Variants in ASPRV1 observed in about 807,000 individuals in gnomAD.
ASPRV1 encodes retroviral-like aspartic protease 1.
A neutral mutation model predicts 11.0 loss-of-function variants in ASPRV1; 7 were observed. The ratio of observed to expected loss-of-function variants is 0.64; its 90% CI spans 0.36 to 1.20. ASPRV1 has a LOEUF of 1.20. Among genes scored for constraint, ASPRV1 ranks in the 50% most tolerant of loss-of-function variants. The pLI is 0.02. For synonymous variants in ASPRV1, 136 were observed against 138.4 expected, an observed-to-expected ratio of 0.98 and a Z score of 0.12; for missense variants, 299 against 320.0, an observed-to-expected ratio of 0.93 and a Z score of 0.50.
chr2:70,048,364 G>T, the ASPRV1 span, among the ~76,000 whole-genome samples: 1 of 151,520 alleles, frequency 6.6e-6, no homozygotes, highest in African/African-American at 2.4e-5. Context: ...GCAGTGAGCC[G>T]AGATCGCACC....
the ASPRV1 span, among the ~76,000 whole-genome samples, chr2:70,011,322 C>T: frequency 2.0e-5 from 3 of 151,988 alleles, no homozygotes; most frequent in African/African-American, 4.8e-5. Flanking sequence ...CCAACCAGAA[C>T]TGTAGAGTAC....
At chr2:69,971,253 T>C in the ASPRV1 span, 2 of 152,176 alleles carry the variant, frequency 1.3e-5, no homozygotes, top group Non-Finnish European at 2.9e-5. Flanking sequence ...CATGAAGATA[T>C]ATGTAGCTAA....
chr2:69,986,474 T>C, the ASPRV1 span, among the ~76,000 whole-genome samples: 1 of 152,198 alleles, frequency 6.6e-6, no homozygotes, highest in African/African-American at 2.4e-5. Context: ...AGCACATCCA[T>C]GTGGGAACAC....
chr2:70,036,742 A>G, the ASPRV1 span, among the ~76,000 whole-genome samples: 1 of 152,304 alleles, frequency 6.6e-6, no homozygotes, highest in African/African-American at 2.4e-5. Context: ...ATCATGGCTC[A>G]CTGCAGCCTC....
chr2:70,038,276 G>A, the ASPRV1 span, among the ~76,000 whole-genome samples: 17 of 152,306 alleles, frequency 1.1e-4, no homozygotes, highest in Admixed American at 2.6e-4. Context: ...GCTGGGCAGA[G>A]TGGCTCATGC....
chr2:70,009,306 A>G, the ASPRV1 span, among the ~76,000 whole-genome samples: 1 of 143,074 alleles, frequency 7.0e-6, no homozygotes. Flanking sequence ...TATATAATTT[A>G]TTGTCTTATT....
At chr2:69,959,140 C>G (rs1167136939), downstream of ASPRV1, among the ~76,000 whole-genome samples, 2 of 152,196 alleles carry the variant, frequency 1.3e-5, no homozygotes, top group Non-Finnish European at 2.9e-5. Context: ...TTCTGTCTCT[C>G]CCTCAGGAGC....
the ASPRV1 span, among the ~76,000 whole-genome samples, chr2:69,995,033 T>A: frequency 6.0e-5 from 9 of 149,554 alleles, no homozygotes; most frequent in African/African-American, 2.2e-4. Flanking sequence ...ATTAATTAAT[T>A]AATTAAACAG....
At chr2:69,935,102 C>T in the ASPRV1 span, among the ~76,000 whole-genome samples, 1 of 152,158 alleles carries the variant, frequency 6.6e-6, no homozygotes, top group Non-Finnish European at 1.5e-5. Context: ...TATATAATAG[C>T]AGATATTATT....
the ASPRV1 span, among the ~76,000 whole-genome samples, chr2:69,952,460 G>A: frequency 3.3e-5 from 5 of 151,560 alleles, no homozygotes; most frequent in African/African-American, 4.9e-5. Context: ...AGCTGTGATC[G>A]TGACACTGCA....
the ASPRV1 span, chr2:70,087,082 A>G: frequency 1.5e-5 from 2 of 134,404 alleles, no homozygotes; most frequent in Non-Finnish European, 3.1e-5. Context: ...CCTCACGCGC[A>G]TGTTTTAAAC....
In ASPRV1 at chr2:69,961,178, C is replaced by A; in HGVS notation, c.259G>T (p.Ala87Ser). ...GGGGCAGCCCCAGGGACCCCAAAGGCCTTCAGGAGGGCCTCTTTCACAGTC... is the reference window on the plus strand; with the variant it reads ...GGGGCAGCCCCAGGGACCCCAAAGGACTTCAGGAGGGCCTCTTTCACAGTC... ...YGTVKEALLK[A>S]FGVPGAAPSH... Residue 87 changes from alanine (A) to serine (S), a missense_variant, in exon 1 of 1, where the codon GCC becomes TCC. Coordinates refer to ENST00000320256, the MANE Select transcript of ASPRV1 (RefSeq NM_152792.4). 5 of 1,613,726 alleles carry A rather than the reference C, an allele frequency of 3.1e-6. No individual in the cohort carries two copies. The highest frequency in any genetic ancestry group is 4.2e-6 in the Non-Finnish European group (5 of 1,179,734).
chr2:70,048,772 C>G, the ASPRV1 span: 1 of 152,362 alleles, frequency 6.6e-6, no homozygotes, highest in Non-Finnish European at 1.5e-5. Flanking sequence ...CATGCTCCCT[C>G]TGAAGGCTCT....
chr2:70,083,890 C>A, the ASPRV1 span, among the ~76,000 whole-genome samples: 1 of 152,150 alleles, frequency 6.6e-6, no homozygotes, highest in Non-Finnish European at 1.5e-5. Context: ...AGTCTCAGAG[C>A]TAGACAGGGG....
At chr2:69,975,033 C>G in the ASPRV1 span, among the ~76,000 whole-genome samples, 1 of 152,296 alleles carries the variant, frequency 6.6e-6, no homozygotes, top group South Asian at 2.1e-4. Context: ...GGGTCACACG[C>G]GACAAACTCC....
the ASPRV1 span, among the ~76,000 whole-genome samples, chr2:69,977,343 G>A: frequency 6.6e-6 from 1 of 152,180 alleles, no homozygotes; most frequent in Non-Finnish European, 1.5e-5. Flanking sequence ...GCCACTGTGG[G>A]TGGGAAGTCA....
At chr2:70,078,121 C>T in the ASPRV1 span, among the ~76,000 whole-genome samples, 1 of 152,188 alleles carries the variant, frequency 6.6e-6, no homozygotes, top group East Asian at 1.9e-4. Flanking sequence ...CGCGCCACTG[C>T]ACTCCAGCCT....
chr2:70,031,350 G>A, the ASPRV1 span: 2 of 152,062 alleles, frequency 1.3e-5, no homozygotes. Context: ...AAACTCTTCT[G>A]GCTGCAGGTG....
downstream of ASPRV1, among the ~76,000 whole-genome samples, chr2:69,959,808 T>C (rs924379197): frequency 3.9e-5 from 6 of 152,134 alleles, no homozygotes; most frequent in African/African-American, 1.4e-4. Context: ...CACATAAAAC[T>C]TTAGGGTCAC....
Sources: allele counts gnomAD v4.1 joint callset (sites outside exome capture counted in the v4.1 genomes callset), GRCh38; gene constraint gnomAD v4.1.1; transcripts MANE v1.5; gene names NCBI Gene and HGNC (gene_info 2026-07-23, HGNC 2026-07-21).